Variants in ACACA observed in about 807,000 individuals in gnomAD.
The protein encoded by ACACA is acetyl-CoA carboxylase 1.
In ACACA, 103 loss-of-function variants were observed where a neutral mutation model predicts 296.1. The ratio of observed to expected loss-of-function variants is 0.35; its 90% CI spans 0.30 to 0.41. ACACA has a LOEUF of 0.41. ACACA is among the 10% of genes least tolerant of loss of function. ACACA has a pLI of 1.00. For missense variants in ACACA, 1,554 were observed against 2,989.7 expected, an observed-to-expected ratio of 0.52 and a Z score of 11.20; for synonymous variants, 953 against 1,038.6, an observed-to-expected ratio of 0.92 and a Z score of 1.58.
intron 52 of ACACA, among the ~76,000 whole-genome samples, chr17:37,109,792 A>G (rs2142991133): frequency 6.6e-6 from 1 of 152,322 alleles, no homozygotes; most frequent in African/African-American, 2.4e-5. Flanking sequence ...TCCTTCTGCA[A>G]AAGGAGAAAG....
intron 25 of ACACA, among the ~76,000 whole-genome samples, chr17:37,229,835 C>T (rs538375696): frequency 6.6e-5 from 10 of 151,384 alleles, no homozygotes; most frequent in East Asian, 2.0e-4. Flanking sequence ...TTTGGGAGGC[C>T]GAGGTGGGCG....
intron 44 of ACACA, among the ~76,000 whole-genome samples, chr17:37,150,700 C>T (rs978665406): frequency 6.6e-6 from 1 of 151,936 alleles, no homozygotes; most frequent in African/African-American, 2.4e-5. Flanking sequence ...CTGCAGTGAG[C>T]TATGATTGCA....
chr17:37,150,357 C>T (rs1669713876), intron 44 of ACACA, among the ~76,000 whole-genome samples: 1 of 152,132 alleles, frequency 6.6e-6, no homozygotes, highest in Admixed American at 6.5e-5. Flanking sequence ...GCCTGGCCAA[C>T]ATGGTGAAAC....
Position 37,102,244 on chromosome 17 carries a change from G to A in ACACA, c.6566-4260C>T, listed in dbSNP as rs551943154. The stretch of plus-strand genomic sequence containing the variant: ...TTTTGAGACGGAGTCTTGCTCTGTC[G>A]CCCAGGCTGGAGTGCAGTGGCACGA... On this transcript the variant is annotated intron_variant, in intron 52 of 55. Transcript: ENST00000616317. 1.5e-4 allele frequency among the ~76,000 whole-genome samples: 19 copies of A among 127,498 alleles called. No homozygotes were observed. The East Asian group carries it at 3.0e-3, about 20-fold the overall frequency. 83.6% of individuals were successfully genotyped at this position (127,498 alleles called of 152,430 possible).
At chr17:37,256,015 G>A (rs886373609) in intron 14 of ACACA, among the ~76,000 whole-genome samples, 10 of 152,154 alleles carry the variant, frequency 6.6e-5, no homozygotes, top group African/African-American at 2.4e-4. Flanking sequence ...CCAAAGTGCT[G>A]TGATTACAGG....
intron 46 of ACACA, 151 bp downstream of exon 46, chr17:37,129,924 T>G: frequency 3.4e-6 from 4 of 1,182,236 alleles, no homozygotes. Flanking sequence ...AATATGGCTG[T>G]AAGGAAAAGA....
chr17:37,136,759 G>A (rs1168484672), intron 45 of ACACA, among the ~76,000 whole-genome samples: 14 of 152,012 alleles, frequency 9.2e-5, no homozygotes, highest in African/African-American at 2.9e-4. Context: ...TGGATAACAC[G>A]GTGAAACCCC....
chr17:37,196,894 A>G (rs2078027294), intron 35 of ACACA, among the ~76,000 whole-genome samples: 1 of 151,124 alleles, frequency 6.6e-6, no homozygotes, highest in South Asian at 2.1e-4. Context: ...GATCTACTTT[A>G]TTTTTTCTTA....
Position 37,087,315 on chromosome 17 carries a change from C to G in ACACA, c.*1G>C, listed in dbSNP as rs1368630960. 1.9e-6 allele frequency: 3 copies of G among 1,614,102 alleles called. No individual in the cohort carries two copies. The highest frequency in any genetic ancestry group is 2.5e-6 in the Non-Finnish European group (3 of 1,180,030). On this transcript the variant is annotated 3_prime_UTR_variant, in exon 56 of 56. Coordinates refer to ENST00000616317, the MANE Select transcript of ACACA (RefSeq NM_198834.3). The stretch of plus-strand genomic sequence containing the variant: ...GGGCAGGGACAGGCAGGAAGCTCTT[C>G]CTACGTGGAAGGGGAATCCATTGTG...
chr17:37,306,861 A>AT lies in ACACA; in HGVS notation c.339-21892dup, dbSNP rs569262099. Among the ~76,000 whole-genome samples, 1,424 of 151,610 alleles carry AT rather than the reference A, an allele frequency of 9.4e-3. 17 individuals carry two copies. The highest frequency in any genetic ancestry group is 0.033 in the African/African-American group (1,353 of 41,314). ...AGGTAAGCACCACCACACCCAGGTAATTTTTTTTGTATTTTTACTAGAGAT... is the reference window on the plus strand; with the variant it reads ...AGGTAAGCACCACCACACCCAGGTAATTTTTTTTTGTATTTTTACTAGAGAT... On this transcript the variant is annotated intron_variant, in intron 3 of 55. Coordinates refer to ENST00000616317, the MANE Select transcript of ACACA (RefSeq NM_198834.3).
chr17:37,128,023 T>TAAAAAAAAAA lies in ACACA; in HGVS notation c.5944+1341_5944+1342insTTTTTTTTTT, dbSNP rs2074890198. Among the ~76,000 whole-genome samples the TAAAAAAAAAA allele has an allele frequency of 5.4e-3, 122 of 22,554 alleles. 18 individuals carry two copies. The highest frequency in any genetic ancestry group is 0.015 in the East Asian group (16 of 1,092). 14.8% of individuals were successfully genotyped at this position (22,554 alleles called of 152,430 possible). ...TGGAGGACAAGAGTGAAACTCCATCTCAAAAAAAAAAAAAAAAAAAAAAAA... is the reference window on the plus strand; with the variant it reads ...TGGAGGACAAGAGTGAAACTCCATCTAAAAAAAAAACAAAAAAAAAAAAAAAAAAAAAAAA... On this transcript the variant is annotated intron_variant, in intron 47 of 55. Transcript: ENST00000616317.
Position 37,111,528 on chromosome 17 carries a change from T to C in ACACA, c.6565+3A>G. On this transcript the variant is annotated splice_donor_region_variant and intron_variant, in intron 52 of 55. Transcript: ENST00000616317. Reference sequence around the variant, plus strand: ...GATTTGCCAGAAGGACAAGCAGACATACCCAATCGCTCAGCCAAGTGGATG... The same window carrying C: ...GATTTGCCAGAAGGACAAGCAGACACACCCAATCGCTCAGCCAAGTGGATG... The C allele has an allele frequency of 1.2e-6, 2 of 1,609,414 alleles. No individual in the cohort carries two copies. Among genetic ancestry groups the C allele is most frequent in the Non-Finnish European group, 1.7e-6 (2 of 1,175,700 alleles).
chr17:37,277,076 G>A lies in ACACA; in HGVS notation c.759C>T (p.Pro253=). The A allele has an allele frequency of 1.2e-6, 2 of 1,614,094 alleles. No individual in the cohort carries two copies. Among genetic ancestry groups the A allele is most frequent in the Non-Finnish European group, 1.7e-6 (2 of 1,179,982 alleles). Residue 253 remains proline (P), a synonymous_variant, in exon 7 of 56, where the codon CCC becomes CCT. Coordinates refer to ENST00000616317, the MANE Select transcript of ACACA (RefSeq NM_198834.3). The part of the protein sequence containing the change: ...WAGWGHASEN[P]KLPELLLKNG... ...TTTTCAAGAGAAGTTCCGGTAGTTT[G>A]GGATTCTCAGAAGCATGACCCCAGC... is the stretch of plus-strand genomic sequence containing the variant.
At chr17:37,172,439 C>T (rs947144504) in intron 41 of ACACA, among the ~76,000 whole-genome samples, 3 of 152,028 alleles carry the variant, frequency 2.0e-5, no homozygotes, top group Non-Finnish European at 2.9e-5. Flanking sequence ...AGAAGTAATT[C>T]CATGGTAGGA....
rs151136472 is a variant in ACACA, at chr17:37,235,006, G to C, written c.3215C>G (p.Thr1072Ser). Residue 1072 changes from threonine (T) to serine (S), a missense_variant, in exon 25 of 56, where the codon ACC becomes AGC. Around this residue, in one of 16 missense-constraint regions of ACACA, gnomAD observed 316 missense variants for 540.9 expected, o/e 0.58. Transcript: ENST00000616317. The part of the protein sequence containing the change: ...LNYIFSHAQV[T>S]KKNLLVTMLI... ...CATTGTGACCAGAAGATTCTTCTTGGTGACTTGAGCGTGAGAGAAGATGTA... is the reference window on the plus strand; with the variant it reads ...CATTGTGACCAGAAGATTCTTCTTGCTGACTTGAGCGTGAGAGAAGATGTA... The C allele has an allele frequency of 1.2e-6, 2 of 1,613,762 alleles. No individual in the cohort carries two copies. The highest frequency in any genetic ancestry group is 1.7e-6 in the Non-Finnish European group (2 of 1,179,932).
chr17:37,230,683 T>C (rs778459183), intron 25 of ACACA, among the ~76,000 whole-genome samples: 1 of 152,170 alleles, frequency 6.6e-6, no homozygotes, highest in Non-Finnish European at 1.5e-5. Context: ...CCAACTAACA[T>C]CCAACAGGAA....
At chr17:37,214,259 CA>C (rs1157041316) in intron 29 of ACACA, among the ~76,000 whole-genome samples, 1 of 152,184 alleles carries the variant, frequency 6.6e-6, no homozygotes, top group Non-Finnish European at 1.5e-5. Context: ...AACTGTAAAA[CA>C]CATCTGAACC....
chr17:37,312,785 G>A (rs1018317008), intron 3 of ACACA, among the ~76,000 whole-genome samples: 14 of 152,052 alleles, frequency 9.2e-5, no homozygotes, highest in Non-Finnish European at 1.3e-4. Context: ...TCAGCATTTC[G>A]AAAGGCCAAG....
chr17:37,162,727 T>C, intron 41 of ACACA: 1 of 224,950 alleles, frequency 4.4e-6, no homozygotes, highest in South Asian at 5.9e-5. Context: ...CCTAATCATG[T>C]CATTGTCAAG....
Sources: gnomAD v4.1 joint callset for allele counts (sites outside exome capture counted in the v4.1 genomes callset) on GRCh38, gnomAD v4.1.1 for gene constraint, gnomAD v4.1.1 regional missense constraint, MANE v1.5 for transcripts, NCBI Gene and HGNC (gene_info 2026-07-23, HGNC 2026-07-21) for gene names.